EYS: variants seen among roughly 807,000 people sequenced by gnomAD.
EYS encodes protein eyes shut homolog.
EYS carries 250 observed loss-of-function variants against 282.1 expected under a neutral mutation model. The ratio of observed to expected loss-of-function variants is 0.89; its 90% CI spans 0.80 to 0.98. The LOEUF (loss-of-function observed/expected upper bound fraction) is 0.98, where lower values mean the gene tolerates loss of function less well. EYS is among the 50% of genes least tolerant of loss of function. EYS has a pLI of 0.00. For missense variants in EYS, 4,016 were observed against 3,709.0 expected, an observed-to-expected ratio of 1.08 and a Z score of -2.15; for synonymous variants, 1,355 against 1,282.9, an observed-to-expected ratio of 1.06 and a Z score of -1.20.
intron 2 of EYS, among the ~76,000 whole-genome samples, chr6:65,635,313 C>A (rs2149810372): frequency 6.6e-6 from 1 of 152,164 alleles, no homozygotes; most frequent in Non-Finnish European, 1.5e-5. Flanking sequence ...GCTATGGAGC[C>A]CAAAGCAGGG....
At chr6:64,148,477 G>T (rs1166636580) in intron 31 of EYS, among the ~76,000 whole-genome samples, 1 of 152,076 alleles carries the variant, frequency 6.6e-6, no homozygotes, top group Non-Finnish European at 1.5e-5. Flanking sequence ...TGATCCAGCA[G>T]CCCAGTCCCC....
At chr6:65,376,403 T>C (rs538291038) in intron 8 of EYS, among the ~76,000 whole-genome samples, 29 of 152,226 alleles carry the variant, frequency 1.9e-4, no homozygotes, top group African/African-American at 7.0e-4. Context: ...GAAAAACTGA[T>C]ACCAGCCACT....
At chr6:65,527,385 T>C (rs1266976257) in intron 2 of EYS, among the ~76,000 whole-genome samples, 1 of 152,196 alleles carries the variant, frequency 6.6e-6, no homozygotes, top group Admixed American at 6.5e-5. Context: ...CACATCTTCT[T>C]CATTATAGGC....
intron 5 of EYS, among the ~76,000 whole-genome samples, chr6:65,454,562 T>C (rs62407688): frequency 6.7e-6 from 1 of 148,700 alleles, no homozygotes; most frequent in South Asian, 2.1e-4. Context: ...AGAGGTTTTA[T>C]TTAAAAAAAA....
chr6:65,192,944 T>G (rs147663410), intron 12 of EYS, among the ~76,000 whole-genome samples: 15 of 152,006 alleles, frequency 9.9e-5, no homozygotes, highest in African/African-American at 3.6e-4. Context: ...TTCAAGCTAT[T>G]TTAATATATA....
intron 19 of EYS, among the ~76,000 whole-genome samples, chr6:64,877,165 A>G (rs1380873583): frequency 6.6e-6 from 1 of 152,104 alleles, no homozygotes; most frequent in African/African-American, 2.4e-5. Context: ...CTGCATGGAG[A>G]TGTGTGAGCA....
chr6:64,015,023 G>A (rs1028445654), intron 33 of EYS, among the ~76,000 whole-genome samples: 3 of 152,126 alleles, frequency 2.0e-5, no homozygotes, highest in African/African-American at 7.2e-5. Context: ...TAGGCTTAAT[G>A]ATTGAAAGAA....
intron 39 of EYS, among the ~76,000 whole-genome samples, chr6:63,778,727 G>T (rs1201513840): frequency 1.3e-5 from 2 of 151,982 alleles, no homozygotes; most frequent in Non-Finnish European, 2.9e-5. Context: ...GAATTACTAG[G>T]GGAAAAGATA....
chr6:65,042,219 G>C (rs1385696058), intron 13 of EYS, among the ~76,000 whole-genome samples: 1 of 151,288 alleles, frequency 6.6e-6, no homozygotes, highest in African/African-American at 2.4e-5. Flanking sequence ...CAGTATATCT[G>C]TCTTTCTTGC....
At position 65,673,509 on chromosome 6, in the gene EYS, C is replaced by T. The variant is rs568599910; in HGVS notation, c.-447-33617G>A. ...AAGAATTGGGAGGACCCAGGACATA[C>T]ACTTAGAGAGTGGCCAAGGGGGTTC... On this transcript the variant is annotated intron_variant, in intron 1 of 42. Transcript: ENST00000503581. 5.3e-5 allele frequency among the ~76,000 whole-genome samples: 8 copies of T among 152,192 alleles called. No homozygotes were observed. In the South Asian group the frequency reaches 1.7e-3, roughly 32 times the overall value.
intron 22 of EYS, among the ~76,000 whole-genome samples, chr6:64,779,746 G>C (rs1435265907): frequency 6.6e-6 from 1 of 152,126 alleles, no homozygotes; most frequent in Admixed American, 6.5e-5. Context: ...TATGTTTATA[G>C]AAACTCTTCC....
intron 22 of EYS, among the ~76,000 whole-genome samples, chr6:64,692,977 C>CTTT (rs67700846): frequency 0.16 from 1,771 of 11,406 alleles, 357 homozygotes; most frequent in East Asian, 0.28. Context: ...GCTGCTTGGG[C>CTTT]TTTTTTTTTT....
At chr6:65,091,672 A>T (rs1774572139) in intron 12 of EYS, among the ~76,000 whole-genome samples, 1 of 152,080 alleles carries the variant, frequency 6.6e-6, no homozygotes, top group Non-Finnish European at 1.5e-5. Context: ...AATTTTGATT[A>T]GTGTAAGGGG....
rs543526228 is a variant in EYS, at chr6:64,605,541, C to G, written c.3684+11877G>C. On this transcript the variant is annotated intron_variant, in intron 24 of 42. Transcript: ENST00000503581. ...ATAGTTATATATAACATAACTAAAA[C>G]TCTGTGGTCCTACTGTCAATAGCAT... Among the ~76,000 whole-genome samples the G allele has an allele frequency of 1.6e-4, 25 of 151,852 alleles. No individual in the cohort carries two copies. The South Asian group carries it at 5.0e-3, about 30-fold the overall frequency.
intron 30 of EYS, among the ~76,000 whole-genome samples, chr6:64,271,965 G>A (rs1338902599): frequency 4.6e-5 from 7 of 152,008 alleles, no homozygotes; most frequent in Admixed American, 1.3e-4. Context: ...TCAGCCTCCC[G>A]AGTAGCTGGG....
At chr6:65,196,441 T>A (rs544421649) in intron 12 of EYS, among the ~76,000 whole-genome samples, 2 of 152,222 alleles carry the variant, frequency 1.3e-5, no homozygotes, top group South Asian at 2.1e-4. Flanking sequence ...ATTGTTTGAT[T>A]CACTTATTTA....
At chr6:65,670,561 G>T (rs1009335065) in intron 1 of EYS, among the ~76,000 whole-genome samples, 5 of 152,004 alleles carry the variant, frequency 3.3e-5, no homozygotes, top group Admixed American at 2.0e-4. Flanking sequence ...AAGTTTCTGG[G>T]TTAATCATCC....
chr6:64,900,246 A>T (rs952829996), intron 18 of EYS, among the ~76,000 whole-genome samples: 1 of 152,218 alleles, frequency 6.6e-6, no homozygotes, highest in Non-Finnish European at 1.5e-5. Context: ...TGGATTAAAG[A>T]TTAAAACGTA....
intron 26 of EYS, among the ~76,000 whole-genome samples, chr6:64,586,028 A>G (rs1026981871): frequency 3.9e-5 from 6 of 152,056 alleles, no homozygotes; most frequent in African/African-American, 1.4e-4. Flanking sequence ...TTTGTTGCTT[A>G]ATGCTATGAT....
Sources: gnomAD v4.1 joint callset for allele counts (sites outside exome capture counted in the v4.1 genomes callset) on GRCh38, gnomAD v4.1.1 for gene constraint, MANE v1.5 for transcripts, NCBI Gene and HGNC (gene_info 2026-07-23, HGNC 2026-07-21) for gene names.